The following CCL28 variants were observed in gnomAD, a reference collection of about 807,000 sequenced individuals.
CCL28 encodes the protein C-C motif chemokine ligand 28, also known as C-C motif chemokine 28.
CCL28 carries 4 observed loss-of-function variants against 7.1 expected under a neutral mutation model. That is an observed-to-expected ratio of 0.56 (90% CI 0.28 to 1.29). The LOEUF (loss-of-function observed/expected upper bound fraction) is 1.29, where lower values mean the gene tolerates loss of function less well. Among genes scored for constraint, CCL28 ranks in the 50% most tolerant of loss-of-function variants. The pLI is 0.11. For synonymous variants in CCL28, 55 were observed against 57.8 expected (o/e 0.95, Z 0.22); for missense variants, 151 against 163.4 (o/e 0.92, Z 0.41).
the CCL28 span, among the ~76,000 whole-genome samples, chr5:43,361,662 T>A: frequency 6.6e-6 from 1 of 152,206 alleles, no homozygotes; most frequent in Non-Finnish European, 1.5e-5. Flanking sequence ...AGTTGATTTT[T>A]ATATATGGTG....
chr5:43,395,711 A>G (rs955272399), intron 1 of CCL28, among the ~76,000 whole-genome samples: 3 of 152,120 alleles, frequency 2.0e-5, no homozygotes, highest in African/African-American at 7.2e-5. Flanking sequence ...GTGCAAAGTG[A>G]AAGCAAGTTT....
the CCL28 span, among the ~76,000 whole-genome samples, chr5:43,365,519 C>T: frequency 1.3e-5 from 2 of 151,728 alleles, no homozygotes; most frequent in Non-Finnish European, 2.9e-5. Context: ...GTTTTTTTCT[C>T]CCCCCCATAT....
chr5:43,392,028 A>G (rs1261275530), intron 1 of CCL28, among the ~76,000 whole-genome samples: 4 of 152,202 alleles, frequency 2.6e-5, no homozygotes, highest in African/African-American at 4.8e-5. Flanking sequence ...TTTAATGTGT[A>G]TCAAAATCAA....
At chr5:43,383,416 T>G (rs1740201576) in intron 2 of CCL28, among the ~76,000 whole-genome samples, 1 of 152,118 alleles carries the variant, frequency 6.6e-6, no homozygotes, top group African/African-American at 2.4e-5. Flanking sequence ...CTTTTTCAGC[T>G]AATGTAGGGA....
downstream of CCL28, among the ~76,000 whole-genome samples, chr5:43,375,361 CAAAAAAAAAA>C (rs56103146): frequency 2.2e-5 from 1 of 45,496 alleles, no homozygotes; most frequent in African/African-American, 1.0e-4. Context: ...GACTCTGTCT[CAAAAAAAAAA>C]AAAAAAAAAA....
At chr5:43,393,987 G>A (rs1740694735) in intron 1 of CCL28, among the ~76,000 whole-genome samples, 1 of 152,144 alleles carries the variant, frequency 6.6e-6, no homozygotes. Flanking sequence ...TGCCGTACAT[G>A]CTTGTAAATG....
At chr5:43,366,544 G>C in the CCL28 span, among the ~76,000 whole-genome samples, 3 of 152,242 alleles carry the variant, frequency 2.0e-5, no homozygotes, top group Non-Finnish European at 4.4e-5. Context: ...GCACCTGCCA[G>C]ATGCCAGCTG....
chr5:43,360,583 C>A, the CCL28 span, among the ~76,000 whole-genome samples: 1 of 152,152 alleles, frequency 6.6e-6, no homozygotes, highest in African/African-American at 2.4e-5. Flanking sequence ...CATCCATGTC[C>A]ATGCAAAGGA....
At chr5:43,372,168 T>C (rs976680898), downstream of CCL28, among the ~76,000 whole-genome samples, 3 of 152,160 alleles carry the variant, frequency 2.0e-5, no homozygotes, top group East Asian at 1.9e-4. Flanking sequence ...TCCTCCAATA[T>C]TGGGGATCTA....
chr5:43,406,597 A>G (rs1472560015), intron 1 of CCL28, among the ~76,000 whole-genome samples: 5 of 152,248 alleles, frequency 3.3e-5, no homozygotes, highest in Non-Finnish European at 7.3e-5. Context: ...CAAGACAGGG[A>G]TGCCCTCTCT....
chr5:43,385,688 A>G (rs112031630), intron 2 of CCL28, among the ~76,000 whole-genome samples: 9 of 152,356 alleles, frequency 5.9e-5, no homozygotes, highest in African/African-American at 2.2e-4. Context: ...AGATTAGGTC[A>G]TAACAACTCT....
In CCL28 at chr5:43,405,524, C is replaced by A. The variant is rs1026078119; in HGVS notation, c.64+6729G>T. On this transcript the variant is annotated intron_variant, in intron 1 of 2. Coordinates refer to ENST00000361115, the MANE Select transcript of CCL28 (RefSeq NM_148672.3). ...GTGTAGGGGGAAATTTATAGCACTACATGTGAACAAGAGAAAGCAGGAAAG... is the reference window on the plus strand; with the variant it reads ...GTGTAGGGGGAAATTTATAGCACTAAATGTGAACAAGAGAAAGCAGGAAAG... Among the ~76,000 whole-genome samples the A allele has an allele frequency of 2.0e-5, 3 of 152,128 alleles. No homozygotes were observed. In the South Asian group the frequency reaches 6.2e-4, roughly 32 times the overall value.
downstream of CCL28, among the ~76,000 whole-genome samples, chr5:43,372,450 C>A (rs1164142744): frequency 5.3e-5 from 8 of 151,250 alleles, no homozygotes; most frequent in South Asian, 2.1e-4. Context: ...CTCACTGCAA[C>A]CTCCGCCTCC....
downstream of CCL28, among the ~76,000 whole-genome samples, chr5:43,372,592 C>G (rs2111639281): frequency 6.6e-6 from 1 of 152,162 alleles, no homozygotes; most frequent in East Asian, 1.9e-4. Flanking sequence ...TGGTCTCAAA[C>G]TCCTGACCTC....
At chr5:43,372,753 G>A (rs573604958), downstream of CCL28, among the ~76,000 whole-genome samples, 8 of 151,812 alleles carry the variant, frequency 5.3e-5, no homozygotes, top group South Asian at 8.3e-4. Context: ...TCCAGTTTGG[G>A]GGCTGCTATG....
chr5:43,392,106 A>ATTAG (rs1554026353), intron 1 of CCL28, among the ~76,000 whole-genome samples: 6 of 151,376 alleles, frequency 4.0e-5, no homozygotes, highest in Non-Finnish European at 7.4e-5. Flanking sequence ...TGCATATCTT[A>ATTAG]TTATTTATTT....
At chr5:43,397,470 C>T (rs1740860425) in intron 1 of CCL28, among the ~76,000 whole-genome samples, 1 of 151,824 alleles carries the variant, frequency 6.6e-6, no homozygotes, top group African/African-American at 2.4e-5. Flanking sequence ...TGTTTTCAGA[C>T]GCCCAAGTAC....
At chr5:43,369,940 A>T in the CCL28 span, among the ~76,000 whole-genome samples, 1 of 152,224 alleles carries the variant, frequency 6.6e-6, no homozygotes, top group Admixed American at 6.5e-5. Flanking sequence ...TACTAGAGAT[A>T]GTATGGGAAG....
intron 1 of CCL28, among the ~76,000 whole-genome samples, chr5:43,390,091 G>A (rs1315750623): frequency 6.6e-6 from 1 of 152,206 alleles, no homozygotes; most frequent in Admixed American, 6.5e-5. Flanking sequence ...TGAAAAAGAT[G>A]ATTATGTGAC....
Sources: allele counts gnomAD v4.1 joint callset (sites outside exome capture counted in the v4.1 genomes callset), GRCh38; gene constraint gnomAD v4.1.1; transcripts MANE v1.5; gene names NCBI Gene and HGNC (gene_info 2026-07-23, HGNC 2026-07-21).